Variants in PLD5 observed in about 807,000 individuals in gnomAD.
PLD5 encodes the protein phospholipase D family member 5, also known as inactive phospholipase D5.
PLD5 carries 36 observed loss-of-function variants against 61.1 expected under a neutral mutation model. That is an observed-to-expected ratio of 0.59 (90% confidence interval 0.45 to 0.78). The LOEUF is 0.78. Ranked by LOEUF, PLD5 falls within the 30% of genes least tolerant of loss-of-function variation. PLD5 has a pLI of 0.00. For synonymous variants in PLD5, 243 were observed against 242.8 expected (o/e 1.00, Z -0.01); for missense variants, 515 against 644.4 (o/e 0.80, Z 2.17).
At chr1:242,147,588 A>T (rs1167502888) in intron 5 of PLD5, 1 of 152,224 alleles carries the variant, frequency 6.6e-6, no homozygotes, top group African/African-American at 2.4e-5. Context: ...AGAATTTGCC[A>T]AACTTTTCCA....
At chr1:242,094,697 G>A (rs771274231) in intron 9 of PLD5, among the ~76,000 whole-genome samples, 59 of 152,102 alleles carry the variant, frequency 3.9e-4, no homozygotes, top group Non-Finnish European at 2.4e-4. Context: ...GAGAGAGCCA[G>A]GAATCAATAT....
intron 1 of PLD5, among the ~76,000 whole-genome samples, chr1:242,381,519 G>A (rs1236612748): frequency 2.0e-5 from 3 of 152,096 alleles, no homozygotes; most frequent in Non-Finnish European, 4.4e-5. Flanking sequence ...TAACAAACCT[G>A]CACATCCTGG....
At chr1:242,167,399 A>G (rs986594541) in intron 5 of PLD5, among the ~76,000 whole-genome samples, 4 of 152,142 alleles carry the variant, frequency 2.6e-5, no homozygotes, top group Non-Finnish European at 4.4e-5. Context: ...GTGCGGGGGA[A>G]CTGCCCTTTA....
In PLD5 at chr1:242,348,000, C is replaced by T. The variant is rs967654772; in HGVS notation, c.326+106G>A. On this transcript the variant is annotated intron_variant, in intron 2 of 9. Coordinates refer to ENST00000536534, the MANE Select transcript of PLD5 (RefSeq NM_001372062.1). The stretch of plus-strand genomic sequence containing the variant: ...ACACCTCAGCTTAAGCTAAGGGGAG[C>T]CTGGATGACTACGTGTGTTTATGTA... 2.9e-6 allele frequency: 4 copies of T among 1,400,018 alleles called. No homozygotes were observed. In the African/African-American group the frequency reaches 4.3e-5, roughly 15 times the overall value. The allele number at this position is 1,400,018 out of a possible 1,614,324, so 86.7% of individuals were successfully genotyped here.
intron 5 of PLD5, among the ~76,000 whole-genome samples, chr1:242,175,331 A>G (rs1330578809): frequency 1.3e-5 from 2 of 152,242 alleles, no homozygotes; most frequent in East Asian, 3.8e-4. Context: ...CATCACATAA[A>G]CAGAACCAAT....
chr1:242,250,578 C>T (rs753940532), intron 4 of PLD5, among the ~76,000 whole-genome samples: 24 of 152,058 alleles, frequency 1.6e-4, no homozygotes, highest in Non-Finnish European at 3.2e-4. Flanking sequence ...AAATTTAAAT[C>T]GATACATTCT....
At chr1:242,221,814 G>A (rs1038773313) in intron 4 of PLD5, among the ~76,000 whole-genome samples, 7 of 152,156 alleles carry the variant, frequency 4.6e-5, no homozygotes, top group Non-Finnish European at 1.0e-4. Context: ...AGGTGTGGCC[G>A]GCCCCACAGA....
chr1:242,108,454 T>A (rs10926619), intron 7 of PLD5, among the ~76,000 whole-genome samples: 8,236 of 152,196 alleles, frequency 0.054, 760 homozygotes, highest in African/African-American at 0.19. Context: ...GCCTTTGCCT[T>A]AACTTGATCC....
chr1:242,191,169 C>T (rs1338174269), intron 5 of PLD5, among the ~76,000 whole-genome samples: 1 of 149,662 alleles, frequency 6.7e-6, no homozygotes, highest in Admixed American at 6.7e-5. Context: ...AAACATTCCA[C>T]ATACCTGCTT....
chr1:242,171,610 A>G (rs1240218532), intron 5 of PLD5, among the ~76,000 whole-genome samples: 1 of 152,168 alleles, frequency 6.6e-6, no homozygotes, highest in African/African-American at 2.4e-5. Flanking sequence ...CTGGACAAAG[A>G]GTCAAGACCC....
chr1:242,166,081 T>G (rs1177026017), intron 5 of PLD5, among the ~76,000 whole-genome samples: 2 of 152,186 alleles, frequency 1.3e-5, no homozygotes, highest in Non-Finnish European at 2.9e-5. Flanking sequence ...TGTATTGAAT[T>G]TGCACCATCT....
intron 4 of PLD5, among the ~76,000 whole-genome samples, chr1:242,238,063 C>T (rs1376824906): frequency 1.3e-5 from 2 of 152,138 alleles, no homozygotes; most frequent in Non-Finnish European, 2.9e-5. Flanking sequence ...CTTTATATTA[C>T]ATTTCCCTTA....
chr1:242,485,661 T>G (rs1164916734), intron 1 of PLD5, among the ~76,000 whole-genome samples: 1 of 152,194 alleles, frequency 6.6e-6, no homozygotes. Flanking sequence ...ATAGATTCAA[T>G]GCCATCCCCA....
chr1:242,512,292 T>C (rs1048997265), intron 1 of PLD5, among the ~76,000 whole-genome samples: 25 of 149,266 alleles, frequency 1.7e-4, no homozygotes, highest in South Asian at 6.3e-4. Flanking sequence ...TGGTGGCGGG[T>C]GCCTCTAGTC....
chr1:242,526,611 C>G (rs1047425173), upstream of PLD5, among the ~76,000 whole-genome samples: 7 of 152,016 alleles, frequency 4.6e-5, no homozygotes, highest in African/African-American at 1.7e-4. Flanking sequence ...AATTTTTGTA[C>G]TTTTAGTGGA....
At chr1:242,524,034 A>G (rs2103015218) in intron 1 of PLD5, 54 bp downstream of exon 1, 1 of 1,486,706 alleles carries the variant, frequency 6.7e-7, no homozygotes, top group African/African-American at 1.4e-5. Context: ...CACCACGGGG[A>G]GGGTGCATGC....
chr1:242,114,158 T>A, intron 6 of PLD5, 132 bp from the exon 7 acceptor site: 1 of 924,436 alleles, frequency 1.1e-6, no homozygotes. Flanking sequence ...TTCATCAAAT[T>A]AGACAAAGAT....
rs375766691 is a variant in PLD5 at position 242,156,898 on chromosome 1, CT to C, written c.736-32234del. On this transcript the variant is annotated intron_variant, in intron 5 of 9. Transcript: ENST00000536534. ...GCATTTCCTGAATTTGAATGTTGGCCTGTCTTGCTAGGCTGGGGAAGTTCTC... is the reference window on the plus strand; with the variant it reads ...GCATTTCCTGAATTTGAATGTTGGCCGTCTTGCTAGGCTGGGGAAGTTCTC... 1.4e-3 allele frequency among the ~76,000 whole-genome samples: 211 copies of C among 152,186 alleles called. 1 individual carries two copies. The highest frequency in any genetic ancestry group is 4.9e-3 in the African/African-American group (204 of 41,496).
At chr1:242,399,998 G>T (rs1663830560) in intron 1 of PLD5, among the ~76,000 whole-genome samples, 1 of 152,036 alleles carries the variant, frequency 6.6e-6, no homozygotes, top group South Asian at 2.1e-4. Context: ...GAGAAACCCA[G>T]TCTCTACTAA....
Sources: allele counts gnomAD v4.1 joint callset (sites outside exome capture counted in the v4.1 genomes callset), GRCh38; gene constraint gnomAD v4.1.1; transcripts MANE v1.5; gene names NCBI Gene and HGNC (gene_info 2026-07-23, HGNC 2026-07-21).